Variants in ZNF708 observed in about 807,000 individuals in gnomAD.
The protein encoded by ZNF708 is zinc finger protein 708, also known as ZNF15, ZNF15L1.
ZNF708 carries 44 observed loss-of-function variants against 47.0 expected under a neutral mutation model. That is an observed-to-expected ratio of 0.94 (90% CI 0.74 to 1.20). The LOEUF (loss-of-function observed/expected upper bound fraction) is 1.20, where lower values mean the gene tolerates loss of function less well. ZNF708 is among the 50% of genes most tolerant of loss of function. The pLI, the probability that ZNF708 is intolerant of heterozygous loss-of-function variation, is 0.00. For synonymous variants in ZNF708, 184 were observed against 218.5 expected, an observed-to-expected ratio of 0.84 and a Z score of 1.39; for missense variants, 557 against 656.0, an observed-to-expected ratio of 0.85 and a Z score of 1.65.
At chr19:21,322,285 CTTTTTTTTTCTTTCTTTCCT>C (rs1260858002) in intron 1 of ZNF708, among the ~76,000 whole-genome samples, 3 of 150,008 alleles carry the variant, frequency 2.0e-5, no homozygotes, top group Non-Finnish European at 4.5e-5. Context: ...AGCTCATATT[CTTTTTTTTTCTTTCTTTCCT>C]TTTTTTTTTC....
At position 21,329,313 on chromosome 19, in the gene ZNF708, C is replaced by T. The variant is rs1973329006; in HGVS notation, c.-101G>A. 1.3e-6 allele frequency: 2 copies of T among 1,556,858 alleles called. No individual in the cohort carries two copies. Among genetic ancestry groups the T allele is most frequent in the African/African-American group, 1.4e-5 (1 of 73,462 alleles). Reference sequence around the variant, plus strand: ...TGGGCCTCTAGGAGCAGAGGACAAACAGCAGTGAAGACGAGACCGGAGCTC... The same window carrying T: ...TGGGCCTCTAGGAGCAGAGGACAAATAGCAGTGAAGACGAGACCGGAGCTC... On this transcript the variant is annotated 5_prime_UTR_variant, in exon 1 of 4. Transcript: ENST00000356929.
intron 1 of ZNF708, chr19:21,318,296 T>G (rs1973056512): frequency 1.3e-5 from 2 of 152,140 alleles, no homozygotes; most frequent in African/African-American, 4.8e-5. Flanking sequence ...CCAGCATGAG[T>G]CCAGATAGAG....
At chr19:21,314,218 G>T (rs1449449429) in intron 1 of ZNF708, among the ~76,000 whole-genome samples, 3 of 152,096 alleles carry the variant, frequency 2.0e-5, no homozygotes, top group Non-Finnish European at 4.4e-5. Context: ...TGCCACTGGG[G>T]TATTTCAAGT....
chr19:21,297,260 A>G (rs1193897107), intron 3 of ZNF708, among the ~76,000 whole-genome samples: 11 of 15,230 alleles, frequency 7.2e-4, no homozygotes, highest in African/African-American at 1.9e-3. Flanking sequence ...ATATATATAT[A>G]TATATATATA....
intron 3 of ZNF708, among the ~76,000 whole-genome samples, chr19:21,295,976 G>T (rs1441503116): frequency 6.6e-6 from 1 of 151,866 alleles, no homozygotes; most frequent in Non-Finnish European, 1.5e-5. Context: ...GAAAAATGAG[G>T]ATAACAATAA....
At chr19:21,327,542 A>AG (rs1016088043) in intron 1 of ZNF708, among the ~76,000 whole-genome samples, 2 of 151,384 alleles carry the variant, frequency 1.3e-5, no homozygotes, top group African/African-American at 2.4e-5. Flanking sequence ...CAAAAAAAAA[A>AG]AAAAAGAAAA....
chr19:21,317,116 A>AT (rs1456673129), intron 1 of ZNF708, among the ~76,000 whole-genome samples: 2 of 98,704 alleles, frequency 2.0e-5, no homozygotes, highest in African/African-American at 8.9e-5. Context: ...TACTACAAAT[A>AT]CAAAAAAAAA....
At position 21,310,520 on chromosome 19, in the gene ZNF708, A is replaced by G. The variant is rs1325525255; in HGVS notation, c.111T>C (p.Tyr37=). 5 of 1,434,826 alleles carry G rather than the reference A, an allele frequency of 3.5e-6. No homozygotes were observed. In the African/African-American group the frequency reaches 5.9e-5, roughly 17 times the overall value. 88.9% of individuals were successfully genotyped at this position (1,434,826 alleles called of 1,614,324 possible). ...CCTCACCCAGGAATACCAGGTTTCT[A>G]TAATTCTCTAACATGACATTCCTAT... is the stretch of plus-strand genomic sequence containing the variant. ...NLYRNVMLEN[Y]RNLVFLGIAV... is the part of the protein sequence containing the mutation. Residue 37 remains tyrosine (Y), a synonymous_variant, in exon 2 of 4, where the codon TAT becomes TAC. Coordinates refer to ENST00000356929, the MANE Select transcript of ZNF708 (RefSeq NM_021269.3).
At chr19:21,302,036 C>G (rs1232038120) in intron 3 of ZNF708, among the ~76,000 whole-genome samples, 1 of 152,024 alleles carries the variant, frequency 6.6e-6, no homozygotes, top group South Asian at 2.1e-4. Flanking sequence ...CCAAGGCAGC[C>G]AGATCACTTG....
chr19:21,307,131 A>T (rs1298780944), intron 3 of ZNF708, among the ~76,000 whole-genome samples: 5 of 128,030 alleles, frequency 3.9e-5, no homozygotes, highest in Non-Finnish European at 5.0e-5. Flanking sequence ...TAAAATAAAA[A>T]ATAAAATAAA....
In ZNF708 at chr19:21,322,492, G is replaced by A. The variant is rs145590028; in HGVS notation, c.3+6718C>T. Among the ~76,000 whole-genome samples the A allele has an allele frequency of 1.9e-3, 294 of 152,168 alleles. 1 individual carries two copies. Among genetic ancestry groups the A allele is most frequent in the African/African-American group, 6.7e-3 (278 of 41,518 alleles). On this transcript the variant is annotated intron_variant, in intron 1 of 3. Transcript: ENST00000356929. ...TATTTTTTCTATCTGTAGTAGGGAC[G>A]GGGTTTTGCCACGTTGCCCAGGCTG...
chr19:21,327,574 A>G (rs1305918767), intron 1 of ZNF708, among the ~76,000 whole-genome samples: 3 of 151,596 alleles, frequency 2.0e-5, no homozygotes, highest in Non-Finnish European at 1.5e-5. Context: ...GATGTGTCTG[A>G]CTGATATTCA....
chr19:21,299,790 T>C (rs75024714), intron 3 of ZNF708, among the ~76,000 whole-genome samples: 21,780 of 149,296 alleles, frequency 0.15, 2,024 homozygotes, highest in South Asian at 0.26. Context: ...AAAAAAAAAA[T>C]TGTTTTTTTA....
At chr19:21,300,265 T>C (rs148818134) in intron 3 of ZNF708, among the ~76,000 whole-genome samples, 1,969 of 149,326 alleles carry the variant, frequency 0.013, 14 homozygotes, top group Middle Eastern at 0.072. Flanking sequence ...ATCCCAGCAC[T>C]TTGGGAGGCT....
chr19:21,294,531 G>T lies in ZNF708; in HGVS notation c.435C>A (p.Tyr145Ter). ...TTGAATATTTATGAAAGACTTTCACGTATTTGTCACACTGAACTATTTTGC... is the reference window on the plus strand; with the variant it reads ...TTGAATATTTATGAAAGACTTTCACTTATTTGTCACACTGAACTATTTTGC... The part of the protein sequence containing the change: ...TQSKIVQCDK[Y>*]VKVFHKYSNA... Residue 145 changes from tyrosine (Y) to a stop codon, truncating the protein, a stop_gained, in exon 4 of 4, where the codon TAC becomes TAA. Coordinates refer to ENST00000356929, the MANE Select transcript of ZNF708 (RefSeq NM_021269.3). LOFTEE classifies it high-confidence loss of function. 1 of 1,614,054 alleles carries T rather than the reference G, an allele frequency of 6.2e-7. No homozygotes were observed.
chr19:21,294,887 G>A lies in ZNF708; in HGVS notation c.227-148C>T, dbSNP rs954837109. On this transcript the variant is annotated intron_variant, in intron 3 of 3. Coordinates refer to ENST00000356929, the MANE Select transcript of ZNF708 (RefSeq NM_021269.3). ...TTATAGACATATAAATGTAACAAAA[G>A]CATTCTGACCAAAATACATTTGTAA... is the stretch of plus-strand genomic sequence containing the variant. 1.0e-5 allele frequency: 8 copies of A among 798,846 alleles called. No homozygotes were observed. The African/African-American group carries it at 1.2e-4, about 12-fold the overall frequency. 49.5% of individuals were successfully genotyped at this position (798,846 alleles called of 1,614,324 possible). A position where few individuals can be genotyped will look rare whatever the true frequency, so the allele number is the denominator to read the frequency against.
At chr19:21,329,039 G>C (rs1234360459) in intron 1 of ZNF708, among the ~76,000 whole-genome samples, 171 bp downstream of exon 1, 2 of 152,204 alleles carry the variant, frequency 1.3e-5, no homozygotes, top group Non-Finnish European at 2.9e-5. Context: ...CCCGGCTGTC[G>C]GCGCAGCCGC....
Position 21,294,072 on chromosome 19 carries a change from GT to G in ZNF708, c.893del (p.His298ProfsTer59), listed in dbSNP as rs1972469579. 1 of 1,590,550 alleles carries G rather than the reference GT, an allele frequency of 6.3e-7. No homozygotes were observed. The highest frequency in any genetic ancestry group is 1.1e-5 in the South Asian group (1 of 89,838). ...GTTTCTCTCCAGTATGAATTTTCTT[GT>G]GATTAGTAAGGTTTGAGGACTGTTT... is the stretch of plus-strand genomic sequence containing the variant. The part of the protein sequence containing the change: ...AFKQSSNLTN[H>X]KKIHTGEKPY... On this transcript the variant is annotated frameshift_variant, in exon 4 of 4. Transcript: ENST00000356929. LOFTEE classifies it high-confidence loss of function.
chr19:21,328,185 TAA>T (rs72487226), intron 1 of ZNF708: 25,726 of 152,158 alleles, frequency 0.17, 2,674 homozygotes, highest in Non-Finnish European at 0.22. Context: ...CTGAGGAAGA[TAA>T]AAAAAAAAAA....
Sources: allele counts gnomAD v4.1 joint callset (sites outside exome capture counted in the v4.1 genomes callset), GRCh38; gene constraint gnomAD v4.1.1; transcripts MANE v1.5; gene names NCBI Gene and HGNC (gene_info 2026-07-23, HGNC 2026-07-21).